ERC1: variants seen among roughly 807,000 people sequenced by gnomAD.
ERC1 encodes ELKS/RAB6-interacting/CAST family member 1.
Under a neutral mutation model 132.0 loss-of-function variants are expected in ERC1, and 56 were observed. The ratio of observed to expected loss-of-function variants is 0.42; its 90% confidence interval spans 0.34 to 0.53. The LOEUF (loss-of-function observed/expected upper bound fraction) is 0.53. Ranked by LOEUF, ERC1 falls within the 20% of genes least tolerant of loss-of-function variation. The pLI, the probability that ERC1 is intolerant of heterozygous loss-of-function variation, is 0.03. For missense variants in ERC1, 1,202 were observed against 1,349.9 expected (o/e 0.89, Z 1.72); for synonymous variants, 478 against 476.1 (o/e 1.00, Z -0.05).
intron 12 of ERC1, among the ~76,000 whole-genome samples, chr12:1,208,537 T>G (rs1027562105): frequency 6.6e-6 from 1 of 152,164 alleles, no homozygotes; most frequent in Non-Finnish European, 1.5e-5. Context: ...CTTTTTAAAT[T>G]TATGCTTTTT....
At chr12:1,346,668 C>G (rs561703293) in intron 15 of ERC1, among the ~76,000 whole-genome samples, 1 of 152,062 alleles carries the variant, frequency 6.6e-6, no homozygotes, top group Admixed American at 6.5e-5. Flanking sequence ...TTCGGCCGGG[C>G]GCGGTGGCTC....
At chr12:1,437,867 T>C (rs1462105348) in intron 17 of ERC1, among the ~76,000 whole-genome samples, 3 of 152,098 alleles carry the variant, frequency 2.0e-5, no homozygotes, top group Admixed American at 2.0e-4. Context: ...TTTTCAAAAA[T>C]GATTCTCATG....
At chr12:1,234,185 G>A (rs537275121) in intron 12 of ERC1, among the ~76,000 whole-genome samples, 21 of 152,246 alleles carry the variant, frequency 1.4e-4, no homozygotes, top group African/African-American at 3.4e-4. Context: ...TCAACCTAAC[G>A]ATAGTGCAAA....
intron 1 of ERC1, among the ~76,000 whole-genome samples, chr12:1,011,980 A>G (rs1288015193): frequency 1.3e-5 from 2 of 151,908 alleles, no homozygotes; most frequent in Non-Finnish European, 2.9e-5. Flanking sequence ...TTATTGTGTT[A>G]TAAACGTTTT....
chr12:1,264,424 A>C (rs531424388), intron 14 of ERC1, among the ~76,000 whole-genome samples: 377 of 152,288 alleles, frequency 2.5e-3, no homozygotes, highest in African/African-American at 8.0e-3. Context: ...GCACTTTGGG[A>C]GGCCGAGGCG....
intron 15 of ERC1, among the ~76,000 whole-genome samples, chr12:1,367,989 G>A (rs1026418943): frequency 4.1e-5 from 6 of 146,302 alleles, no homozygotes; most frequent in Admixed American, 2.7e-4. Flanking sequence ...TGGAAAAGAA[G>A]GGAACAGAAC....
At chr12:1,017,039 C>T (rs1398420474) in intron 1 of ERC1, among the ~76,000 whole-genome samples, 3 of 151,980 alleles carry the variant, frequency 2.0e-5, no homozygotes, top group African/African-American at 7.2e-5. Context: ...CTCTGTCACC[C>T]AGGCTGGAGT....
chr12:1,048,821 G>A (rs902430692), intron 2 of ERC1, among the ~76,000 whole-genome samples: 1 of 152,098 alleles, frequency 6.6e-6, no homozygotes, highest in South Asian at 2.1e-4. Flanking sequence ...ATTACGAAAG[G>A]GATCTGTATC....
At chr12:1,388,644 G>A (rs1418693110) in intron 16 of ERC1, among the ~76,000 whole-genome samples, 1 of 152,148 alleles carries the variant, frequency 6.6e-6, no homozygotes, top group Non-Finnish European at 1.5e-5. Flanking sequence ...TGTTTTCAGA[G>A]TTTTCTTTTA....
intron 12 of ERC1, among the ~76,000 whole-genome samples, chr12:1,211,662 T>C (rs111376465): frequency 7.6e-4 from 115 of 152,058 alleles, no homozygotes; most frequent in African/African-American, 2.6e-3. Context: ...AGGGTTCAAG[T>C]GATTCTTTTG....
chr12:1,179,425 A>G (rs1378246201), intron 8 of ERC1, among the ~76,000 whole-genome samples: 1 of 151,418 alleles, frequency 6.6e-6, no homozygotes, highest in East Asian at 1.9e-4. Flanking sequence ...ACTGTTTTAT[A>G]GCTTGGCTTC....
intron 17 of ERC1, among the ~76,000 whole-genome samples, chr12:1,418,738 TCTCTCTCTCTGTCGCTCAGA>T (rs2092302363): frequency 7.0e-6 from 1 of 143,754 alleles, no homozygotes; most frequent in Non-Finnish European, 1.5e-5. Flanking sequence ...GGAGACAGGA[TCTCTCTCTCTGTCGCTCAGA>T]CTGGAGTGTA....
upstream of ERC1, among the ~76,000 whole-genome samples, chr12:990,815 G>A (rs1959175473): frequency 2.6e-5 from 4 of 151,922 alleles, no homozygotes; most frequent in Admixed American, 2.6e-4. Flanking sequence ...GGTTTGGGAA[G>A]ACACGAAGCG....
chr12:1,381,001 CAGAG>C lies in ERC1; in HGVS notation c.2925+9027_2925+9030del, dbSNP rs1323066939. 6 of 152,346 alleles carry C rather than the reference CAGAG, an allele frequency of 3.9e-5. No homozygotes were observed. In the East Asian group the frequency reaches 9.6e-4, roughly 24 times the overall value. 9.4% of individuals were successfully genotyped at this position (152,346 alleles called of 1,614,324 possible). The stretch of plus-strand genomic sequence containing the variant: ...AAATCCTCGATAATGAGGCCAGCCT[CAGAG>C]AGCATTTATGTACCCATTTGTTTTA... On this transcript the variant is annotated intron_variant, in intron 16 of 18. Transcript: ENST00000360905.
At position 1,399,803 on chromosome 12, in the gene ERC1, G is replaced by A. The variant is rs146862225; in HGVS notation, c.2926-8346G>A. Among the ~76,000 whole-genome samples, 239 of 152,218 alleles carry A rather than the reference G, an allele frequency of 1.6e-3. 4 individuals are homozygous for A. The East Asian group carries it at 0.031, about 20-fold the overall frequency. ...CCATTCATAAGTTGTTGGATATTTG[G>A]GTTGTTCCTCTTTTTTGACTATAAT... On this transcript the variant is annotated intron_variant, in intron 16 of 18. Transcript: ENST00000360905.
intron 7 of ERC1, chr12:1,116,263 T>C (rs1481244708): frequency 4.7e-5 from 19 of 401,248 alleles, no homozygotes; most frequent in Non-Finnish European, 8.4e-5. Flanking sequence ...CTTTAAACTT[T>C]TGCCAAGTCT....
intron 17 of ERC1, among the ~76,000 whole-genome samples, chr12:1,424,824 TA>T (rs1251366888): frequency 4.3e-4 from 60 of 140,128 alleles, no homozygotes; most frequent in Admixed American, 1.0e-3. Flanking sequence ...GATAGATAGA[TA>T]GATAGATAGA....
At chr12:1,208,920 A>C (rs1957587193) in intron 12 of ERC1, among the ~76,000 whole-genome samples, 1 of 142,156 alleles carries the variant, frequency 7.0e-6, no homozygotes, top group Admixed American at 7.0e-5. Context: ...CCTCCCGAGT[A>C]GCTGGGATTA....
At chr12:1,261,362 CT>C (rs1264028745) in intron 13 of ERC1, among the ~76,000 whole-genome samples, 1 of 152,138 alleles carries the variant, frequency 6.6e-6, no homozygotes, top group Non-Finnish European at 1.5e-5. Context: ...AATAATGTTT[CT>C]TTATGCTTCT....
Sources: allele counts gnomAD v4.1 joint callset (sites outside exome capture counted in the v4.1 genomes callset), GRCh38; gene constraint gnomAD v4.1.1; transcripts MANE v1.5; gene names NCBI Gene and HGNC (gene_info 2026-07-23, HGNC 2026-07-21).